The following CD82 variants were observed in gnomAD, a reference collection of about 807,000 sequenced individuals.
The protein encoded by CD82 is CD82 molecule.
A neutral mutation model predicts 37.4 loss-of-function variants in CD82; 36 were observed. The ratio of observed to expected loss-of-function variants is 0.96; its 90% CI spans 0.74 to 1.27. The LOEUF is 1.27. Ranked by LOEUF, CD82 falls within the 50% of genes most tolerant of loss-of-function variation. The pLI is 0.00. For missense variants in CD82, 340 were observed against 347.0 expected (o/e 0.98, Z 0.16); for synonymous variants, 158 against 137.4 (o/e 1.15, Z -1.05).
chr11:44,572,644 G>A (rs1249172861), intron 1 of CD82, among the ~76,000 whole-genome samples: 1 of 152,214 alleles, frequency 6.6e-6, no homozygotes, highest in Non-Finnish European at 1.5e-5. Context: ...GAATAGGAGT[G>A]TAATCCGCCT....
chr11:44,594,356 G>C (rs530378103), intron 2 of CD82, among the ~76,000 whole-genome samples: 2 of 151,706 alleles, frequency 1.3e-5, no homozygotes, highest in Non-Finnish European at 2.9e-5. Context: ...TGGAGGTGAG[G>C]GGTGAGGGTC....
intron 6 of CD82, among the ~76,000 whole-genome samples, chr11:44,613,956 G>T (rs1853523839): frequency 6.6e-6 from 1 of 152,114 alleles, no homozygotes; most frequent in South Asian, 2.1e-4. Context: ...GGCTTGGGAA[G>T]GGGTGAGGGA....
At chr11:44,612,967 G>A (rs1198983765) in intron 6 of CD82, among the ~76,000 whole-genome samples, 2 of 152,136 alleles carry the variant, frequency 1.3e-5, no homozygotes, top group African/African-American at 4.8e-5. Flanking sequence ...GGAGCTGGGT[G>A]AGGAGCCAGG....
intron 1 of CD82, among the ~76,000 whole-genome samples, chr11:44,566,841 C>T (rs4388877): frequency 5.9e-5 from 9 of 152,100 alleles, no homozygotes; most frequent in Admixed American, 5.2e-4. Context: ...CCCTCCTGAC[C>T]TTGTGAAAGC....
At position 44,579,549 on chromosome 11, in the gene CD82, G is replaced by A. The variant is rs566665846; in HGVS notation, c.-102-7926G>A. 2.6e-5 allele frequency among the ~76,000 whole-genome samples: 4 copies of A among 152,208 alleles called. No homozygotes were observed. The East Asian group carries it at 7.7e-4, about 29-fold the overall frequency. The stretch of plus-strand genomic sequence containing the variant: ...TCTGTGTCTTAGTCTCTCTGTCCCG[G>A]CCTCTCTCACTCCCCGCTCTGTACC... On this transcript the variant is annotated intron_variant, in intron 1 of 9. Coordinates refer to ENST00000227155, the MANE Select transcript of CD82 (RefSeq NM_002231.4).
At position 44,605,090 on chromosome 11, in the gene CD82, T is replaced by C. The variant is rs371929631; in HGVS notation, c.169T>C (p.Tyr57His). 67 of 1,614,216 alleles carry C rather than the reference T, an allele frequency of 4.2e-5. No homozygotes were observed. The highest frequency in any genetic ancestry group is 5.6e-5 in the Non-Finnish European group (66 of 1,180,042). The change falls in exon 5 of 10, where the codon TAT becomes CAT. Residue 57 changes from tyrosine (Y) to histidine (H), a missense_variant. Transcript: ENST00000227155. Reference sequence around the variant, plus strand: ...CTCCAGCTCGCTTAGGATGGGGGCCTATGTCTTCATCGGCGTGGGGGCAGT... The same window carrying C: ...CTCCAGCTCGCTTAGGATGGGGGCCCATGTCTTCATCGGCGTGGGGGCAGT... ...TSSSSLRMGA[Y>H]VFIGVGAVTM... is the part of the protein sequence containing the mutation.
In CD82 at chr11:44,565,903, C is replaced by CT. The variant is rs757946971; in HGVS notation, c.-103+167_-103+168insT. ...GCTTTAGCCACCAGTCCTGAACCCCCAGTTCTCACACTCGGCCGTGCACAG... is the reference window on the plus strand; with the variant it reads ...GCTTTAGCCACCAGTCCTGAACCCCCTAGTTCTCACACTCGGCCGTGCACAG... On this transcript the variant is annotated intron_variant, in intron 1 of 9. Transcript: ENST00000227155. 2.0e-5 allele frequency: 3 copies of CT among 152,258 alleles called. 1 individual carries two copies. Among genetic ancestry groups the CT allele is most frequent in the Non-Finnish European group, 4.4e-5 (3 of 68,068 alleles). 9.4% of individuals were successfully genotyped at this position (152,258 alleles called of 1,614,324 possible).
chr11:44,618,608 C>T (rs367958042), intron 8 of CD82, 32 bp from the exon 9 acceptor site: 268 of 1,562,572 alleles, frequency 1.7e-4, no homozygotes, highest in South Asian at 3.7e-4. Context: ...TGGTGCAGAG[C>T]GGGGTGATGT....
rs1853617968 is a variant in CD82, at chr11:44,619,133, T to A, written c.*7T>A. The A allele has an allele frequency of 6.2e-7, 1 of 1,611,330 alleles. No homozygotes were observed. ...CAAGGTCCCCAAGTACTGAGGCAGC[T>A]GCTATCCCCATCTCCCTGCCTGGCC... On this transcript the variant is annotated 3_prime_UTR_variant, in exon 10 of 10. Transcript: ENST00000227155.
At chr11:44,569,889 T>C (rs763407721) in intron 1 of CD82, among the ~76,000 whole-genome samples, 8 of 152,208 alleles carry the variant, frequency 5.3e-5, no homozygotes, top group African/African-American at 1.7e-4. Context: ...GGGATAATAA[T>C]GGTCATGACT....
intron 3 of CD82, among the ~76,000 whole-genome samples, chr11:44,595,462 A>G (rs536901355): frequency 1.3e-5 from 2 of 149,522 alleles, no homozygotes; most frequent in East Asian, 4.1e-4. Flanking sequence ...TAGTGTTGGG[A>G]GCGCTGGCTT....
At chr11:44,604,905 G>A (rs979936525) in intron 4 of CD82, 153 bp from the exon 5 acceptor site, 2 of 1,021,700 alleles carry the variant, frequency 2.0e-6, no homozygotes, top group Non-Finnish European at 3.0e-6. Context: ...GGGGTGACCT[G>A]GTTCCCTGTT....
At position 44,618,936 on chromosome 11, in the gene CD82, G is replaced by A. The variant is rs1590354773; in HGVS notation, c.727-113G>A. On this transcript the variant is annotated intron_variant, in intron 9 of 9. Transcript: ENST00000227155. ...CTGCTGCCTGCATCACAGGGTGGTTGTGAGGCTCAAGTTGAGGATCCACTT... is the reference window on the plus strand; with the variant it reads ...CTGCTGCCTGCATCACAGGGTGGTTATGAGGCTCAAGTTGAGGATCCACTT... 5 of 1,005,390 alleles carry A rather than the reference G, an allele frequency of 5.0e-6. No homozygotes were observed. In the East Asian group the frequency reaches 9.7e-5, roughly 19 times the overall value. 62.3% of individuals were successfully genotyped at this position (1,005,390 alleles called of 1,614,324 possible).
At chr11:44,608,506 C>G (rs1320443480) in intron 6 of CD82, among the ~76,000 whole-genome samples, 2 of 152,166 alleles carry the variant, frequency 1.3e-5, no homozygotes, top group Non-Finnish European at 2.9e-5. Flanking sequence ...AGAATGGTGT[C>G]CAAGGGTCTT....
At chr11:44,601,930 T>C (rs907009332) in intron 4 of CD82, among the ~76,000 whole-genome samples, 2 of 152,124 alleles carry the variant, frequency 1.3e-5, no homozygotes, top group Non-Finnish European at 1.5e-5. Flanking sequence ...AAAAATGACT[T>C]GCTAATAGTC....
At chr11:44,596,993 C>G (rs1290774181) in intron 3 of CD82, 1 of 456,190 alleles carries the variant, frequency 2.2e-6, no homozygotes, top group African/African-American at 2.0e-5. Context: ...TCCTGGGGTT[C>G]TGGGTGTGGC....
intron 2 of CD82, among the ~76,000 whole-genome samples, chr11:44,590,074 C>G (rs548124921): frequency 6.6e-6 from 1 of 151,394 alleles, no homozygotes; most frequent in African/African-American, 2.4e-5. Context: ...ACCTCGTGAT[C>G]TGCCTGCCTC....
At chr11:44,567,496 TTCTCTC>T (rs1275979347) in intron 1 of CD82, among the ~76,000 whole-genome samples, 3 of 151,752 alleles carry the variant, frequency 2.0e-5, no homozygotes, top group African/African-American at 7.3e-5. Flanking sequence ...GAATAGGACT[TTCTCTC>T]TGGGCTCCTG....
At chr11:44,601,139 G>A (rs1016835635) in intron 4 of CD82, among the ~76,000 whole-genome samples, 5 of 152,276 alleles carry the variant, frequency 3.3e-5, no homozygotes, top group East Asian at 3.9e-4. Context: ...GGGGACAGCC[G>A]TGCCACTCCC....
Sources: allele counts gnomAD v4.1 joint callset (sites outside exome capture counted in the v4.1 genomes callset), GRCh38; gene constraint gnomAD v4.1.1; transcripts MANE v1.5; gene names NCBI Gene and HGNC (gene_info 2026-07-23, HGNC 2026-07-21).